Variants in PANX1 observed in about 807,000 individuals in gnomAD.
PANX1 encodes pannexin-1.
A neutral mutation model predicts 38.7 loss-of-function variants in PANX1; 30 were observed. The observed-to-expected ratio is 0.78, with a 90% CI of 0.58 to 1.05. The LOEUF (loss-of-function observed/expected upper bound fraction) is 1.05. PANX1 is among the 50% of genes least tolerant of loss of function. The pLI, the probability that PANX1 is intolerant of heterozygous loss-of-function variation, is 0.00. For synonymous variants in PANX1, 230 were observed against 212.2 expected, an observed-to-expected ratio of 1.08 and a Z score of -0.73; for missense variants, 551 against 517.2, an observed-to-expected ratio of 1.07 and a Z score of -0.63.
intron 2 of PANX1, among the ~76,000 whole-genome samples, chr11:94,154,765 C>T (rs991788585): frequency 2.0e-5 from 3 of 152,158 alleles, no homozygotes; most frequent in Admixed American, 1.3e-4. Flanking sequence ...TGATAGCCTA[C>T]TGTTGACTGG....
In PANX1 at chr11:94,151,051, T is replaced by G. The variant is rs115190203; in HGVS notation, c.182-2440T>G. Reference sequence around the variant, plus strand: ...TGAACTACTTGGAGCTTTGGTTTACTCCAGGGGAAAAGGAAAATAATGATG... The same window carrying G: ...TGAACTACTTGGAGCTTTGGTTTACGCCAGGGGAAAAGGAAAATAATGATG... On this transcript the variant is annotated intron_variant, in intron 1 of 4. Transcript: ENST00000227638. Among the ~76,000 whole-genome samples, 1,174 of 152,298 alleles carry G rather than the reference T, an allele frequency of 7.7e-3. 18 individuals are homozygous for G. Among genetic ancestry groups the G allele is most frequent in the African/African-American group, 0.027 (1,135 of 41,552 alleles).
Position 94,179,658 on chromosome 11 carries a change from A to G in PANX1, c.602A>G (p.Lys201Arg), listed in dbSNP as rs1565387081. The change falls in exon 4 of 5, where the codon AAG (lysine) becomes AGG (arginine). Residue 201 changes from lysine to arginine, a missense_variant. Lys to Arg is a conservative substitution (Grantham distance 26). Coordinates refer to ENST00000227638, the MANE Select transcript of PANX1 (RefSeq NM_015368.4). ...TACCCAATTGTGGAGCAGTACTTGA[A>G]GACAAAGAAAAATTCTAATAATTTA... ...FKYPIVEQYL[K>R]TKKNSNNLII... 1 of 1,613,582 alleles carries G rather than the reference A, an allele frequency of 6.2e-7. No homozygotes were observed. Among genetic ancestry groups the G allele is most frequent in the Admixed American group, 1.7e-5 (1 of 59,980 alleles).
At chr11:94,176,943 A>G (rs986644600) in intron 2 of PANX1, among the ~76,000 whole-genome samples, 4 of 151,670 alleles carry the variant, frequency 2.6e-5, no homozygotes, top group Non-Finnish European at 4.4e-5. Context: ...AGGACTGAAC[A>G]TAACGTGTCC....
intron 2 of PANX1, 102 bp from the exon 3 acceptor site, chr11:94,178,267 C>A: frequency 2.3e-6 from 2 of 868,832 alleles, no homozygotes; most frequent in Non-Finnish European, 3.7e-6. Flanking sequence ...TTCCACAATA[C>A]ACATTTGTCT....
chr11:94,148,527 C>A (rs1473766477), intron 1 of PANX1, among the ~76,000 whole-genome samples: 1 of 152,120 alleles, frequency 6.6e-6, no homozygotes, highest in Non-Finnish European at 1.5e-5. Flanking sequence ...CTTCTCTATA[C>A]CACACATTCA....
At chr11:94,168,125 ACTCT>A (rs1217075043) in intron 2 of PANX1, among the ~76,000 whole-genome samples, 3 of 152,006 alleles carry the variant, frequency 2.0e-5, no homozygotes, top group African/African-American at 7.3e-5. Context: ...CTTTTCATAA[ACTCT>A]CTCTTCCTGA....
At chr11:94,142,566 C>T (rs76343289) in intron 1 of PANX1, among the ~76,000 whole-genome samples, 1,745 of 152,332 alleles carry the variant, frequency 0.011, 33 homozygotes, top group African/African-American at 0.04. Context: ...GTTCCCTTCT[C>T]TCCTCCTTTG....
chr11:94,145,438 G>C (rs552922762), intron 1 of PANX1, among the ~76,000 whole-genome samples: 1 of 152,176 alleles, frequency 6.6e-6, no homozygotes, highest in Non-Finnish European at 1.5e-5. Context: ...TGCAGAACAC[G>C]TTTGTGAACA....
intron 1 of PANX1, among the ~76,000 whole-genome samples, chr11:94,143,801 T>G (rs1247526238): frequency 6.6e-6 from 1 of 151,084 alleles, no homozygotes; most frequent in Non-Finnish European, 1.5e-5. Context: ...CAGACTGGAG[T>G]GTAGTGATGG....
intron 2 of PANX1, among the ~76,000 whole-genome samples, chr11:94,164,845 C>G (rs920420338): frequency 6.6e-6 from 1 of 152,150 alleles, no homozygotes; most frequent in Non-Finnish European, 1.5e-5. Context: ...CTTTATATAT[C>G]TGAGTGCTCC....
At chr11:94,166,216 T>A (rs1947100278) in intron 2 of PANX1, among the ~76,000 whole-genome samples, 1 of 152,124 alleles carries the variant, frequency 6.6e-6, no homozygotes, top group South Asian at 2.1e-4. Flanking sequence ...TGTTAGAGTA[T>A]TCTGTATTTG....
At chr11:94,179,493 G>A (rs1947276891) in intron 3 of PANX1, 109 bp from the exon 4 acceptor site, 1 of 714,456 alleles carries the variant, frequency 1.4e-6, no homozygotes, top group Non-Finnish European at 2.4e-6. Flanking sequence ...AGGTAAAGAA[G>A]TATGGGTGTT....
At chr11:94,157,692 G>A (rs375480097) in intron 2 of PANX1, among the ~76,000 whole-genome samples, 2 of 152,162 alleles carry the variant, frequency 1.3e-5, no homozygotes, top group South Asian at 2.1e-4. Context: ...TAGGTTGCCT[G>A]TTCACTCTGA....
At chr11:94,177,623 G>A (rs946366941) in intron 2 of PANX1, among the ~76,000 whole-genome samples, 2 of 152,164 alleles carry the variant, frequency 1.3e-5, no homozygotes, top group Non-Finnish European at 2.9e-5. Flanking sequence ...CCAACTGGTG[G>A]TCCTGGTTAC....
chr11:94,170,877 A>G (rs16919972), intron 2 of PANX1, among the ~76,000 whole-genome samples: 6,829 of 151,734 alleles, frequency 0.045, 757 homozygotes, highest in African/African-American at 0.16. Context: ...TTTCTGGCAC[A>G]ATTGCTGTCC....
chr11:94,169,841 G>T (rs1035730248), intron 2 of PANX1, among the ~76,000 whole-genome samples: 4 of 151,550 alleles, frequency 2.6e-5, no homozygotes, highest in African/African-American at 7.3e-5. Flanking sequence ...AACCATGAAA[G>T]AAAAAATTTC....
At chr11:94,137,818 A>G (rs1442507728) in intron 1 of PANX1, among the ~76,000 whole-genome samples, 1 of 82,830 alleles carries the variant, frequency 1.2e-5, no homozygotes, top group African/African-American at 6.9e-5. Flanking sequence ...AAAATACAGA[A>G]GAGAAAATAG....
Position 94,180,892 on chromosome 11 carries a change from A to C in PANX1, c.*23A>C, listed in dbSNP as rs781602062. The C allele has an allele frequency of 7.3e-7, 1 of 1,364,542 alleles. No homozygotes were observed. Among genetic ancestry groups the C allele is most frequent in the Admixed American group, 1.7e-5 (1 of 59,574 alleles). 84.5% of individuals were successfully genotyped at this position (1,364,542 alleles called of 1,614,324 possible). A position where few individuals can be genotyped will look rare whatever the true frequency, so the allele number is the denominator to read the frequency against. On this transcript the variant is annotated 3_prime_UTR_variant, in exon 5 of 5. Transcript: ENST00000227638. ...TGATGATTTTTTTCCTTGAGCTGTAAATCTGTGACTTCTGCGACATGGGAT... is the reference window on the plus strand; with the variant it reads ...TGATGATTTTTTTCCTTGAGCTGTACATCTGTGACTTCTGCGACATGGGAT...
chr11:94,166,416 CT>C (rs1354839002), intron 2 of PANX1, among the ~76,000 whole-genome samples: 1 of 152,164 alleles, frequency 6.6e-6, no homozygotes, highest in African/African-American at 2.4e-5. Context: ...TGAAGGATAA[CT>C]TTGCTGGTGA....
Sources: gnomAD v4.1 joint callset for allele counts (sites outside exome capture counted in the v4.1 genomes callset) on GRCh38, gnomAD v4.1.1 for gene constraint, MANE v1.5 for transcripts, NCBI Gene and HGNC (gene_info 2026-07-23, HGNC 2026-07-21) for gene names.